ZCWPW1: variants seen among roughly 807,000 people sequenced by gnomAD.
ZCWPW1 encodes the protein zinc finger CW-type PWWP domain protein 1.
In ZCWPW1, 56 loss-of-function variants were observed where a neutral mutation model predicts 81.3. The ratio of observed to expected loss-of-function variants is 0.69; its 90% CI spans 0.56 to 0.86. The LOEUF is 0.86. ZCWPW1 is among the 40% of genes least tolerant of loss of function. ZCWPW1 has a pLI of 0.00. For synonymous variants in ZCWPW1, 250 were observed against 273.7 expected (o/e 0.91, Z 0.86); for missense variants, 650 against 769.8 (o/e 0.84, Z 1.84).
chr7:100,402,316 T>C, intron 16 of ZCWPW1, 200 bp downstream of exon 16: 1 of 844,208 alleles, frequency 1.2e-6, no homozygotes, highest in Non-Finnish European at 2.1e-6. Flanking sequence ...AAACCTTCCA[T>C]CTTTCACCTC....
rs771911580 is a variant in ZCWPW1 at position 100,405,057 on chromosome 7, C to G, written c.1210G>C (p.Val404Leu). The change falls in exon 13 of 18, where the codon GTG becomes CTG. Residue 404 changes from valine (V) to leucine (L), a missense_variant. By Grantham distance (32) the Val-to-Leu change is conservative. Coordinates refer to ENST00000684423, the MANE Select transcript of ZCWPW1 (RefSeq NM_001386010.1). ...RRNDCSQKLG[V>L]ALMMAQEAEQ... ...GCCTCTTGAGCCATCATCAGGGCCA[C>G]CCCCAGTTTCTGGCTGCAGTCATTT... 1.5e-5 allele frequency: 25 copies of G among 1,613,398 alleles called. No homozygotes were observed. The Admixed American group carries it at 4.2e-4, about 27-fold the overall frequency.
Position 100,408,570 on chromosome 7 carries a change from T to C in ZCWPW1, c.961A>G (p.Ile321Val). The C allele has an allele frequency of 6.2e-7, 1 of 1,613,962 alleles. No homozygotes were observed. Among genetic ancestry groups the C allele is most frequent in the Non-Finnish European group, 8.5e-7 (1 of 1,179,934 alleles). ...VAYASYIPGSIIWAKQYGYPW... is the reference protein window; with the variant it reads ...VAYASYIPGSVIWAKQYGYPW... ...TAACCGTATTGCTTGGCCCAGATGA[T>C]GGATCCTGGGATGTAGGAGGCATAG... The change falls in exon 10 of 18, where the codon ATC (isoleucine) becomes GTC (valine). Residue 321 changes from isoleucine to valine, a missense_variant. Transcript: ENST00000684423.
rs746973587 is a variant in ZCWPW1 at position 100,401,072 on chromosome 7, T to TC, written c.1891dup (p.Glu631GlyfsTer8). ...GCCATCACTGTTGCTGTGCTGCAGC[T>TC]CCCCGCTCTGCCCCAGCTCTCTCCC... On this transcript the variant is annotated frameshift_variant, in exon 18 of 18. Coordinates refer to ENST00000684423, the MANE Select transcript of ZCWPW1 (RefSeq NM_001386010.1). LOFTEE classifies it low-confidence loss of function (END_TRUNC). 52 of 1,613,962 alleles carry TC rather than the reference T, an allele frequency of 3.2e-5. No homozygotes were observed. The highest frequency in any genetic ancestry group is 4.4e-5 in the Non-Finnish European group (52 of 1,180,002).
chr7:100,422,317 C>T (rs990267941), intron 2 of ZCWPW1, among the ~76,000 whole-genome samples: 5 of 152,226 alleles, frequency 3.3e-5, no homozygotes, highest in African/African-American at 9.6e-5. Flanking sequence ...AGAAAACATA[C>T]ATTAATAGCG....
chr7:100,424,062 C>T (rs1796853385), intron 2 of ZCWPW1, among the ~76,000 whole-genome samples: 1 of 144,782 alleles, frequency 6.9e-6, no homozygotes, highest in African/African-American at 2.6e-5. Flanking sequence ...AAGAACAAAA[C>T]TCCGTCTCAA....
rs533272289 is a variant in ZCWPW1, at chr7:100,404,165, C to G, written c.1321+13G>C. ...CCCATCCTTCTCCAGTCCTCAACCT[C>G]CATTTATCCTACCTTTTCTTTCCCC... On this transcript the variant is annotated intron_variant, in intron 14 of 17. Transcript: ENST00000684423. 2 of 1,613,982 alleles carry G rather than the reference C, an allele frequency of 1.2e-6. No individual in the cohort carries two copies. Among genetic ancestry groups the G allele is most frequent in the South Asian group, 2.2e-5 (2 of 91,068 alleles).
intron 8 of ZCWPW1, among the ~76,000 whole-genome samples, chr7:100,411,432 A>C (rs1794141882): frequency 6.6e-6 from 1 of 151,796 alleles, no homozygotes; most frequent in Non-Finnish European, 1.5e-5. Flanking sequence ...ACACCCAGAA[A>C]ATTTTTTGTA....
chr7:100,422,308 G>C (rs909821035), intron 2 of ZCWPW1, among the ~76,000 whole-genome samples: 4 of 152,190 alleles, frequency 2.6e-5, no homozygotes, highest in African/African-American at 2.4e-5. Flanking sequence ...AGCACACACA[G>C]AAAACATACA....
At chr7:100,418,598 C>T (rs1280257373) in intron 5 of ZCWPW1, 1 of 152,420 alleles carries the variant, frequency 6.6e-6, no homozygotes, top group Non-Finnish European at 1.5e-5. Context: ...CGAGACCAGC[C>T]TGGCCAGCCT....
At chr7:100,419,035 T>TAA in intron 5 of ZCWPW1, 76 bp downstream of exon 5, 1 of 1,135,424 alleles carries the variant, frequency 8.8e-7, no homozygotes, top group Non-Finnish European at 1.3e-6. Context: ...AGAGAGAAGC[T>TAA]GTCAGACTTA....
chr7:100,408,428 T>C, intron 10 of ZCWPW1, 111 bp downstream of exon 10: 2 of 1,437,054 alleles, frequency 1.4e-6, no homozygotes, highest in South Asian at 1.4e-5. Flanking sequence ...ATGCTCTTTC[T>C]AAGGCCAGAA....
intron 1 of ZCWPW1, among the ~76,000 whole-genome samples, chr7:100,427,870 C>T (rs1797984839): frequency 6.6e-6 from 1 of 151,850 alleles, no homozygotes; most frequent in South Asian, 2.1e-4. Flanking sequence ...GCCACACGTC[C>T]CCCTCTCTCT....
chr7:100,419,311 G>C (rs988785824), intron 4 of ZCWPW1, 122 bp from the exon 5 acceptor site: 2 of 836,272 alleles, frequency 2.4e-6, no homozygotes, highest in Non-Finnish European at 1.9e-6. Context: ...CATGCAGTCA[G>C]CATACCTAAG....
chr7:100,418,451 G>A (rs567704473), intron 5 of ZCWPW1, among the ~76,000 whole-genome samples: 4 of 152,208 alleles, frequency 2.6e-5, no homozygotes, highest in African/African-American at 9.6e-5. Flanking sequence ...ATGAGTTCAA[G>A]ACCAGCCTGG....
chr7:100,410,930 C>T (rs902594266), intron 8 of ZCWPW1, among the ~76,000 whole-genome samples: 2 of 152,216 alleles, frequency 1.3e-5, no homozygotes, highest in Admixed American at 6.5e-5. Flanking sequence ...TTGTAGACAC[C>T]TTCAGCTCCC....
At position 100,414,581 on chromosome 7, in the gene ZCWPW1, AT is replaced by A. The variant is rs553466178; in HGVS notation, c.754+1393del. The stretch of plus-strand genomic sequence containing the variant: ...CAGGCACTACCACTACATCCAGCTA[AT>A]TTTTTTTTTTCTTGTAGAGATGAGG... On this transcript the variant is annotated intron_variant, in intron 8 of 17. Coordinates refer to ENST00000684423, the MANE Select transcript of ZCWPW1 (RefSeq NM_001386010.1). Among the ~76,000 whole-genome samples the A allele has an allele frequency of 1.0e-3, 154 of 147,866 alleles. 1 individual carries two copies. The East Asian group carries it at 0.011, about 11-fold the overall frequency.
chr7:100,419,766 G>T lies in ZCWPW1; in HGVS notation c.146C>A (p.Thr49Lys). The T allele has an allele frequency of 6.2e-7, 1 of 1,614,010 alleles. No individual in the cohort carries two copies. The highest frequency in any genetic ancestry group is 8.5e-7 in the Non-Finnish European group (1 of 1,180,024). ...EETPGISSPE[T>K]EARISLPKAS... ...CTTTGGCAGGCTTATCCTGGCCTCT[G>T]TCTCTGGGGAACTGATCCCCGGGGT... Residue 49 changes from threonine (T) to lysine (K), a missense_variant, in exon 4 of 18, where the codon ACA becomes AAA. Transcript: ENST00000684423.
chr7:100,409,235 C>T (rs1278054857), intron 9 of ZCWPW1, among the ~76,000 whole-genome samples, 193 bp downstream of exon 9: 1 of 152,136 alleles, frequency 6.6e-6, no homozygotes, highest in Non-Finnish European at 1.5e-5. Flanking sequence ...GATCACTTTA[C>T]AGGGCATCTT....
chr7:100,417,215 CA>C, intron 5 of ZCWPW1, 32 bp from the exon 6 acceptor site: 2 of 1,356,428 alleles, frequency 1.5e-6, no homozygotes, highest in Non-Finnish European at 2.1e-6. Context: ...AGCAGAGAAG[CA>C]AAAAAACGAA....
Sources: allele counts gnomAD v4.1 joint callset (sites outside exome capture counted in the v4.1 genomes callset), GRCh38; gene constraint gnomAD v4.1.1; transcripts MANE v1.5; gene names NCBI Gene and HGNC (gene_info 2026-07-23, HGNC 2026-07-21).